ROBO2: variants seen among roughly 807,000 people sequenced by gnomAD.
ROBO2 encodes roundabout homolog 2.
A neutral mutation model predicts 160.8 loss-of-function variants in ROBO2; 53 were observed. That is an observed-to-expected ratio of 0.33 (90% CI 0.26 to 0.41). ROBO2 has a LOEUF of 0.41. Ranked by LOEUF, ROBO2 falls within the 10% of genes least tolerant of loss-of-function variation. The pLI, the probability that ROBO2 is intolerant of heterozygous loss-of-function variation, is 1.00. For synonymous variants in ROBO2, 664 were observed against 611.7 expected, an observed-to-expected ratio of 1.09 and a Z score of -1.26; for missense variants, 1,577 against 1,722.4, an observed-to-expected ratio of 0.92 and a Z score of 1.49.
intron 2 of ROBO2, among the ~76,000 whole-genome samples, chr3:76,638,571 T>A (rs2090463200): frequency 6.6e-6 from 1 of 152,204 alleles, no homozygotes; most frequent in Admixed American, 6.5e-5. Flanking sequence ...TCAGAATGTT[T>A]ATTTTTTGAA....
At chr3:76,518,557 T>C (rs1654257887) in intron 2 of ROBO2, among the ~76,000 whole-genome samples, 1 of 152,160 alleles carries the variant, frequency 6.6e-6, no homozygotes, top group Non-Finnish European at 1.5e-5. Flanking sequence ...CTGTAGTACT[T>C]AGCAGCAAGG....
chr3:77,390,043 G>A (rs1267130357), intron 2 of ROBO2, among the ~76,000 whole-genome samples: 2 of 152,174 alleles, frequency 1.3e-5, no homozygotes, highest in African/African-American at 4.8e-5. Flanking sequence ...GTCCAGAAGA[G>A]AGGAAACAGA....
At chr3:77,419,212 A>G (rs571573720) in intron 2 of ROBO2, among the ~76,000 whole-genome samples, 1 of 152,216 alleles carries the variant, frequency 6.6e-6, no homozygotes, top group Non-Finnish European at 1.5e-5. Flanking sequence ...AAAACGTTAA[A>G]TCATACTTTG....
chr3:77,303,797 A>G (rs936920910), intron 2 of ROBO2, among the ~76,000 whole-genome samples: 2 of 152,144 alleles, frequency 1.3e-5, no homozygotes, highest in East Asian at 3.9e-4. Context: ...TATTTTATAT[A>G]CATATATATA....
chr3:77,580,583 T>G (rs1402646790), intron 16 of ROBO2, among the ~76,000 whole-genome samples: 2 of 152,132 alleles, frequency 1.3e-5, no homozygotes, highest in African/African-American at 4.8e-5. Context: ...TCTAATATCA[T>G]CATTGCATAA....
intron 2 of ROBO2, among the ~76,000 whole-genome samples, chr3:76,499,444 T>C (rs748608707): frequency 6.6e-6 from 1 of 152,178 alleles, no homozygotes; most frequent in Non-Finnish European, 1.5e-5. Context: ...TTCTTCATCA[T>C]CTGGAGAATA....
At chr3:76,322,203 T>TATATATATAA (rs1349372355) in intron 2 of ROBO2, among the ~76,000 whole-genome samples, 3 of 116,078 alleles carry the variant, frequency 2.6e-5, no homozygotes, top group African/African-American at 7.2e-5. Context: ...TATATATATA[T>TATATATATAA]AATATACACA....
intron 2 of ROBO2, among the ~76,000 whole-genome samples, chr3:77,446,367 A>G (rs531182517): frequency 1.6e-4 from 25 of 152,186 alleles, no homozygotes; most frequent in African/African-American, 5.8e-4. Flanking sequence ...ATAATTTGAA[A>G]CCAATAACAA....
chr3:77,482,863 G>GAA (rs967682729), intron 4 of ROBO2, among the ~76,000 whole-genome samples: 2 of 144,582 alleles, frequency 1.4e-5, no homozygotes, highest in African/African-American at 5.1e-5. Flanking sequence ...GGAATAGAAA[G>GAA]AAAAAAAAAA....
intron 2 of ROBO2, among the ~76,000 whole-genome samples, chr3:76,989,292 G>A (rs2060542862): frequency 6.6e-6 from 1 of 152,076 alleles, no homozygotes; most frequent in Non-Finnish European, 1.5e-5. Context: ...GGAAAGTGAG[G>A]CTCAGAAAAG....
At chr3:76,512,787 C>T (rs2081165703) in intron 2 of ROBO2, among the ~76,000 whole-genome samples, 5 of 151,990 alleles carry the variant, frequency 3.3e-5, no homozygotes, top group Admixed American at 3.3e-4. Flanking sequence ...GGGTTCCATC[C>T]TCAAATATTT....
At chr3:77,636,040 T>C (rs1480442906) in intron 24 of ROBO2, among the ~76,000 whole-genome samples, 2 of 152,130 alleles carry the variant, frequency 1.3e-5, no homozygotes, top group Non-Finnish European at 2.9e-5. Flanking sequence ...GGGTGTGTTT[T>C]ATAGGGTGCT....
At chr3:77,574,165 A>T (rs550132519) in intron 13 of ROBO2, among the ~76,000 whole-genome samples, 3 of 152,108 alleles carry the variant, frequency 2.0e-5, no homozygotes, top group Non-Finnish European at 4.4e-5. Context: ...CAGAGGAGAC[A>T]TAAAGTTAGA....
At chr3:76,909,229 AC>A (rs2075813476) in intron 2 of ROBO2, among the ~76,000 whole-genome samples, 1 of 152,112 alleles carries the variant, frequency 6.6e-6, no homozygotes, top group Non-Finnish European at 1.5e-5. Flanking sequence ...TGACTGAAAA[AC>A]TTTTGAGACA....
At chr3:76,353,775 A>AT (rs1186860364) in intron 2 of ROBO2, among the ~76,000 whole-genome samples, 1 of 151,828 alleles carries the variant, frequency 6.6e-6, no homozygotes, top group Non-Finnish European at 1.5e-5. Flanking sequence ...AAGAAAATAT[A>AT]TTTTCTTAGA....
At chr3:77,569,242 T>A (rs78862828) in intron 13 of ROBO2, among the ~76,000 whole-genome samples, 7,470 of 152,128 alleles carry the variant, frequency 0.049, 381 homozygotes, top group East Asian at 0.13. Context: ...CTTTCCAAAG[T>A]GGCTATAGCA....
rs73841989 is a variant in ROBO2, at chr3:76,717,040, C to T, written c.110-380974C>T. ...AGAAAGTGGGTTTGAAGCCACCAAC[C>T]GTGTTGATGTGAAGGTGATATCTGG... On this transcript the variant is annotated intron_variant, in intron 2 of 26. Coordinates refer to the ROBO2 transcript ENST00000487694. Among the ~76,000 whole-genome samples, 420 of 152,166 alleles carry T rather than the reference C, an allele frequency of 2.8e-3. 2 individuals carry two copies. The highest frequency in any genetic ancestry group is 9.4e-3 in the African/African-American group (392 of 41,514).
intron 2 of ROBO2, among the ~76,000 whole-genome samples, chr3:76,603,086 C>T (rs1194935917): frequency 6.6e-6 from 1 of 151,692 alleles, no homozygotes; most frequent in Admixed American, 6.6e-5. Flanking sequence ...AATCTCGGCA[C>T]TTTGGGAGGC....
At chr3:76,580,354 G>GTTTTTTTTTT (rs1457222056) in intron 2 of ROBO2, among the ~76,000 whole-genome samples, 1 of 46,362 alleles carries the variant, frequency 2.2e-5, no homozygotes. Flanking sequence ...TTTTTTTTTT[G>GTTTTTTTTTT]TTTTTTTTTT....
Sources: gnomAD v4.1 joint callset for allele counts (sites outside exome capture counted in the v4.1 genomes callset) on GRCh38, gnomAD v4.1.1 for gene constraint, MANE v1.5 for transcripts, NCBI Gene and HGNC (gene_info 2026-07-23, HGNC 2026-07-21) for gene names.